PNPLA7: variants seen among roughly 807,000 people sequenced by gnomAD.
PNPLA7 encodes patatin like domain 7, lysophospholipase.
In PNPLA7, 153 loss-of-function variants were observed where a neutral mutation model predicts 161.7. The ratio of observed to expected loss-of-function variants is 0.95; its 90% CI spans 0.83 to 1.08. PNPLA7 has a LOEUF of 1.08. PNPLA7 is among the 50% of genes least tolerant of loss of function. PNPLA7 has a pLI of 0.00. For missense variants in PNPLA7, 1,739 were observed against 1,856.6 expected, an observed-to-expected ratio of 0.94 and a Z score of 1.16; for synonymous variants, 809 against 782.1, an observed-to-expected ratio of 1.03 and a Z score of -0.57.
At chr9:137,497,848 C>T (rs746845579) in intron 17 of PNPLA7, among the ~76,000 whole-genome samples, 3 of 152,230 alleles carry the variant, frequency 2.0e-5, no homozygotes, top group Non-Finnish European at 4.4e-5. Flanking sequence ...TTTAAAGGGA[C>T]GGTGTGGACT....
intron 8 of PNPLA7, among the ~76,000 whole-genome samples, chr9:137,525,282 A>G (rs373391709): frequency 6.6e-6 from 1 of 152,288 alleles, no homozygotes; most frequent in African/African-American, 2.4e-5. Flanking sequence ...TTTTTTCTTC[A>G]TGTGCAGAGA....
intron 32 of PNPLA7, 51 bp downstream of exon 32, chr9:137,461,880 G>T (rs148314203): frequency 6.9e-7 from 1 of 1,446,872 alleles, no homozygotes; most frequent in African/African-American, 1.4e-5. Context: ...GTGGCCCGAA[G>T]AACTGGGCGC....
chr9:137,475,852 A>T (rs998058821), intron 25 of PNPLA7, among the ~76,000 whole-genome samples: 1 of 152,246 alleles, frequency 6.6e-6, no homozygotes, highest in Non-Finnish European at 1.5e-5. Context: ...TTCTATACCC[A>T]GCCAAACTAT....
intron 20 of PNPLA7, among the ~76,000 whole-genome samples, chr9:137,485,986 C>T (rs1381167943): frequency 6.6e-6 from 1 of 151,908 alleles, no homozygotes; most frequent in African/African-American, 2.4e-5. Context: ...CCTCACTGCT[C>T]CTGAGGCCAC....
chr9:137,497,590 C>T (rs545702156), intron 17 of PNPLA7, among the ~76,000 whole-genome samples: 3 of 152,342 alleles, frequency 2.0e-5, no homozygotes, highest in Admixed American at 6.5e-5. Flanking sequence ...TGCAGTGGCA[C>T]GACCTCGGCT....
At position 137,542,734 on chromosome 9, in the gene PNPLA7, G is replaced by T. The variant is rs1320012321; in HGVS notation, c.574C>A (p.Gln192Lys). Residue 192 changes from glutamine (Q) to lysine (K), a missense_variant, in exon 7 of 35, where the codon CAG (glutamine) becomes AAG (lysine). Gln to Lys is a moderately conservative substitution (Grantham distance 53). Transcript: ENST00000406427. ...LCKHIVFVQLQEGEHVFQPRE... is the reference protein window; with the variant it reads ...LCKHIVFVQLKEGEHVFQPRE... ...GGCTGGAAGACGTGCTCCCCTTCCT[G>T]CAGCTGCACAAAGACGATGTGTTTG... 6.2e-7 allele frequency: 1 copy of T among 1,613,744 alleles called. No homozygotes were observed. The highest frequency in any genetic ancestry group is 1.7e-5 in the Admixed American group (1 of 60,020).
rs1380521557 is a variant in PNPLA7, at chr9:137,523,821, AG to A, written c.748-965del. Among the ~76,000 whole-genome samples, 1 of 151,928 alleles carries A rather than the reference AG, an allele frequency of 6.6e-6. No homozygotes were observed. The highest frequency in any genetic ancestry group is 1.9e-4 in the East Asian group (1 of 5,168). On this transcript the variant is annotated intron_variant, in intron 8 of 34. Transcript: ENST00000406427. The surrounding 1 kb of genome is among the most constrained non-coding windows in gnomAD (Gnocchi z 4.4). ...TGTTTTTTGAATTTTTAGTAGAGAC[AG>A]GGTTTCACTGTGTTAGCCAGGAGGG... is the stretch of plus-strand genomic sequence containing the variant.
chr9:137,522,595 T>C, intron 9 of PNPLA7, 134 bp downstream of exon 9: 2 of 995,284 alleles, frequency 2.0e-6, no homozygotes, highest in Non-Finnish European at 1.5e-6. Context: ...TCCTCTGAAA[T>C]CACCTTCATG....
chr9:137,512,198 C>T (rs1484570784), intron 12 of PNPLA7, among the ~76,000 whole-genome samples: 1 of 152,262 alleles, frequency 6.6e-6, no homozygotes, highest in Non-Finnish European at 1.5e-5. Context: ...GCACACGTGA[C>T]TCCATGACCC....
At chr9:137,479,665 A>T (rs112079571) in intron 23 of PNPLA7, 172 of 985,434 alleles carry the variant, frequency 1.7e-4, no homozygotes, top group Non-Finnish European at 1.9e-4. Context: ...CAGGGAGCAG[A>T]GGAGGGAGAC....
At chr9:137,505,417 G>T (rs1047803445) in intron 14 of PNPLA7, among the ~76,000 whole-genome samples, 197 bp downstream of exon 14, 1 of 152,178 alleles carries the variant, frequency 6.6e-6, no homozygotes, top group Non-Finnish European at 1.5e-5. Context: ...CTTCGGCTTT[G>T]AGTTTGAACA....
At chr9:137,503,791 T>A (rs111216796) in intron 14 of PNPLA7, among the ~76,000 whole-genome samples, 1,894 of 2,012 alleles carry the variant, frequency 0.94, 900 homozygotes, top group Middle Eastern at 1. Flanking sequence ...AAGAAGAGAA[T>A]GAAGAAGAAG....
intron 33 of PNPLA7, 45 bp from the exon 34 acceptor site, chr9:137,460,782 G>A (rs1446410593): frequency 2.4e-5 from 37 of 1,552,562 alleles, no homozygotes; most frequent in Non-Finnish European, 3.2e-5. Flanking sequence ...CCAAGGAAGG[G>A]ACCGTACCCA....
At chr9:137,466,614 C>T (rs1383192788) in intron 26 of PNPLA7, among the ~76,000 whole-genome samples, 2 of 149,262 alleles carry the variant, frequency 1.3e-5, no homozygotes, top group Admixed American at 6.6e-5. Flanking sequence ...GACCTGGGCA[C>T]GGATCAGACC....
chr9:137,525,083 G>A (rs1164224445), intron 8 of PNPLA7, among the ~76,000 whole-genome samples: 3 of 152,214 alleles, frequency 2.0e-5, no homozygotes, highest in Admixed American at 6.5e-5. Context: ...GGAGGGAGCT[G>A]GCCATGCAGG....
intron 8 of PNPLA7, among the ~76,000 whole-genome samples, chr9:137,529,945 C>G (rs929210856): frequency 9.9e-5 from 15 of 151,638 alleles, no homozygotes; most frequent in Admixed American, 7.2e-4. Context: ...AGGTGTGAGC[C>G]ACCGCGCCCA....
Position 137,467,337 on chromosome 9 carries a change from G to A in PNPLA7, c.3019C>T (p.Arg1007Trp), listed in dbSNP as rs779068396. The A allele has an allele frequency of 2.0e-5, 33 of 1,613,348 alleles. No homozygotes were observed. Among genetic ancestry groups the A allele is most frequent in the Admixed American group, 8.3e-5 (5 of 59,984 alleles). Residue 1007 changes from arginine to tryptophan, a missense_variant, in exon 26 of 35, where the codon CGG becomes TGG. Arg to Trp is a moderately radical substitution (Grantham distance 101). Transcript: ENST00000406427. The surrounding 1 kb of genome is among the most constrained non-coding windows in gnomAD (Gnocchi z 5.1). ...CTTACCTCGGCCCACTGCTTGGCCC[G>A]GATCCGCATCTGGCTGTAGTTCCGC... ...EERNYSQMRI[R>W]AKQWAEGMTS...
At chr9:137,517,900 G>A (rs1470505839) in intron 11 of PNPLA7, among the ~76,000 whole-genome samples, 2 of 47,900 alleles carry the variant, frequency 4.2e-5, no homozygotes, top group Admixed American at 2.0e-4. Context: ...ACTCCACTCT[G>A]TCCACTCCAT....
Position 137,497,310 on chromosome 9 carries a change from C to T in PNPLA7, c.1890G>A (p.Arg630=). 6.4e-7 allele frequency: 1 copy of T among 1,564,062 alleles called. No homozygotes were observed. The highest frequency in any genetic ancestry group is 8.7e-7 in the Non-Finnish European group (1 of 1,155,098). Residue 630 remains arginine (R), a splice_region_variant and synonymous_variant, in exon 18 of 35, where the codon AGG becomes AGA. Coordinates refer to ENST00000406427, the MANE Select transcript of PNPLA7 (RefSeq NM_001098537.3). ...ACGTGCAGTCGGACTTGTCCCCCTG[C>T]CTGCGGAAGACACAGAGGCCCTGCA... The part of the protein sequence containing the change: ...VEVEAGRAIY[R]QGDKSDCTYI...
Sources: allele counts gnomAD v4.1 joint callset (sites outside exome capture counted in the v4.1 genomes callset), GRCh38; gene constraint gnomAD v4.1.1; non-coding constraint Gnocchi (gnomAD v3.1); transcripts MANE v1.5; gene names NCBI Gene and HGNC (gene_info 2026-07-23, HGNC 2026-07-21).